The following NAV3 variants were observed in gnomAD, a reference collection of about 807,000 sequenced individuals.
NAV3 encodes neuron navigator 3.
Under a neutral mutation model 244.7 loss-of-function variants are expected in NAV3, and 87 were observed. The ratio of observed to expected loss-of-function variants is 0.36; its 90% confidence interval spans 0.30 to 0.42. NAV3 has a LOEUF of 0.42. NAV3 is among the 20% of genes least tolerant of loss of function. The pLI is 1.00. For missense variants in NAV3, 2,663 were observed against 2,893.3 expected (o/e 0.92, Z 1.83); for synonymous variants, 1,126 against 1,042.2 (o/e 1.08, Z -1.55).
At chr12:78,107,458 T>C (rs565472057) in intron 12 of NAV3, among the ~76,000 whole-genome samples, 1 of 152,196 alleles carries the variant, frequency 6.6e-6, no homozygotes, top group East Asian at 1.9e-4. Flanking sequence ...AATCAGACTG[T>C]TTAAAGTCAA....
intron 14 of NAV3, 29 bp downstream of exon 14, chr12:78,118,326 C>T (rs969417256): frequency 1.3e-6 from 2 of 1,570,056 alleles, no homozygotes. Context: ...AGCTGTTATG[C>T]AAAAGTGCTT....
intron 9 of NAV3, among the ~76,000 whole-genome samples, chr12:78,031,211 T>G (rs948975201): frequency 1.3e-5 from 2 of 152,152 alleles, no homozygotes; most frequent in African/African-American, 4.8e-5. Context: ...AGAAAGGGGT[T>G]TAGGTGAGTT....
Position 78,197,351 on chromosome 12 carries a change from C to T in NAV3, c.6396C>T (p.Gly2132=). 1 of 1,608,014 alleles carries T rather than the reference C, an allele frequency of 6.2e-7. No homozygotes were observed. The highest frequency in any genetic ancestry group is 1.3e-5 in the African/African-American group (1 of 74,804). Residue 2132 remains glycine (G), a synonymous_variant, in exon 35 of 40, where the codon GGC becomes GGT. Transcript: ENST00000397909. The stretch of plus-strand genomic sequence containing the variant: ...TTCTTGATAATCTTCATCATGTGGG[C>T]TCTCTGAGTGATATCTTCAATGGTT... ...VIILDNLHHV[G]SLSDIFNGFL... is the part of the protein sequence containing the mutation.
intron 2 of NAV3, among the ~76,000 whole-genome samples, chr12:77,746,309 A>G (rs1030684073): frequency 6.6e-6 from 1 of 152,124 alleles, no homozygotes; most frequent in Non-Finnish European, 1.5e-5. Context: ...ATGTATTAAC[A>G]TGAAAACCAC....
intron 9 of NAV3, among the ~76,000 whole-genome samples, chr12:78,026,261 C>A (rs1225918017): frequency 6.6e-6 from 1 of 152,200 alleles, no homozygotes; most frequent in Non-Finnish European, 1.5e-5. Flanking sequence ...AAATATCCAA[C>A]TGCCAACACA....
chr12:77,727,891 G>A (rs561629891), intron 2 of NAV3, among the ~76,000 whole-genome samples: 31 of 151,978 alleles, frequency 2.0e-4, no homozygotes, highest in Non-Finnish European at 3.8e-4. Context: ...TCATTTAGGG[G>A]TGGCTATTTC....
intron 2 of NAV3, among the ~76,000 whole-genome samples, chr12:77,694,878 C>T (rs905186585): frequency 2.6e-5 from 4 of 152,120 alleles, no homozygotes; most frequent in East Asian, 1.9e-4. Flanking sequence ...CATGAGATAA[C>T]ATGTTGCCTG....
chr12:78,031,473 A>G (rs1002789585), intron 9 of NAV3, among the ~76,000 whole-genome samples: 1 of 152,052 alleles, frequency 6.6e-6, no homozygotes, highest in Admixed American at 6.6e-5. Context: ...ATCAGAACAA[A>G]TAAGACTCAA....
At chr12:77,904,679 C>A (rs10777559) in intron 1 of NAV3, among the ~76,000 whole-genome samples, 56,739 of 151,844 alleles carry the variant, frequency 0.37, 11,184 homozygotes, top group East Asian at 0.46. Flanking sequence ...AAAGATTATT[C>A]CAAAAGGTAG....
intron 39 of NAV3, among the ~76,000 whole-genome samples, chr12:78,206,854 CTT>C (rs10594185): frequency 1.0e-4 from 12 of 114,824 alleles, no homozygotes; most frequent in African/African-American, 3.2e-4. Context: ...TTCTTTCTTA[CTT>C]TTTTTTTTTT....
chr12:78,037,539 G>T (rs1880116558), intron 9 of NAV3, among the ~76,000 whole-genome samples: 1 of 130,202 alleles, frequency 7.7e-6, no homozygotes, highest in African/African-American at 3.0e-5. Flanking sequence ...TTCTTGAAGT[G>T]ATTTTTTTTT....
intron 12 of NAV3, among the ~76,000 whole-genome samples, chr12:78,083,461 A>G (rs1044858201): frequency 3.3e-5 from 5 of 152,174 alleles, no homozygotes; most frequent in African/African-American, 9.7e-5. Flanking sequence ...CAAGAAACTT[A>G]TGTTACTGTC....
At chr12:78,148,316 T>A (rs141944010) in intron 21 of NAV3, among the ~76,000 whole-genome samples, 73 of 152,172 alleles carry the variant, frequency 4.8e-4, no homozygotes, top group African/African-American at 1.7e-3. Flanking sequence ...TGATTAAATG[T>A]TGAATTAAGC....
At chr12:77,882,347 A>G (rs751320507) in intron 1 of NAV3, among the ~76,000 whole-genome samples, 1 of 152,164 alleles carries the variant, frequency 6.6e-6, no homozygotes, top group African/African-American at 2.4e-5. Context: ...CTCTATTTCA[A>G]TAAATGGTGC....
At chr12:78,000,620 C>T (rs1166453911) in intron 7 of NAV3, among the ~76,000 whole-genome samples, 1 of 141,796 alleles carries the variant, frequency 7.1e-6, no homozygotes, top group African/African-American at 2.6e-5. Flanking sequence ...TCACCTGCCT[C>T]AGCCTCCCGA....
intron 2 of NAV3, among the ~76,000 whole-genome samples, chr12:77,654,978 C>T (rs1465774793): frequency 2.0e-5 from 3 of 151,908 alleles, no homozygotes; most frequent in Admixed American, 6.6e-5. Context: ...TCATCAAAGA[C>T]CAAAAGTAGA....
intron 2 of NAV3, among the ~76,000 whole-genome samples, chr12:77,768,118 C>T (rs920203745): frequency 4.6e-5 from 7 of 152,204 alleles, no homozygotes; most frequent in African/African-American, 1.7e-4. Flanking sequence ...GTCATCCCAT[C>T]ATCTGCCCGA....
At chr12:77,580,169 A>T (rs1437197262) in intron 2 of NAV3, among the ~76,000 whole-genome samples, 1 of 151,754 alleles carries the variant, frequency 6.6e-6, no homozygotes, top group Non-Finnish European at 1.5e-5. Context: ...CACTTTTAAT[A>T]CCAGGCTCCC....
intron 12 of NAV3, among the ~76,000 whole-genome samples, chr12:78,088,027 T>C (rs1953725482): frequency 6.6e-6 from 1 of 150,640 alleles, no homozygotes; most frequent in Admixed American, 6.6e-5. Context: ...CTTTCTAGTG[T>C]TTCTTCATAT....
Sources: gnomAD v4.1 joint callset for allele counts (sites outside exome capture counted in the v4.1 genomes callset) on GRCh38, gnomAD v4.1.1 for gene constraint, MANE v1.5 for transcripts, NCBI Gene and HGNC (gene_info 2026-07-23, HGNC 2026-07-21) for gene names.